SLC24A2: variants seen among roughly 807,000 people sequenced by gnomAD.
SLC24A2 encodes sodium/potassium/calcium exchanger 2.
In SLC24A2, 36 loss-of-function variants were observed where a neutral mutation model predicts 62.0. The ratio of observed to expected loss-of-function variants is 0.58; its 90% CI spans 0.44 to 0.77. The LOEUF is 0.77. SLC24A2 is among the 30% of genes least tolerant of loss of function. The pLI is 0.00. For missense variants in SLC24A2, 846 were observed against 817.9 expected (o/e 1.03, Z -0.42); for synonymous variants, 358 against 294.0 (o/e 1.22, Z -2.23).
At chr9:19,874,223 G>A in the SLC24A2 span, among the ~76,000 whole-genome samples, 1 of 151,896 alleles carries the variant, frequency 6.6e-6, no homozygotes, top group African/African-American at 2.4e-5. Flanking sequence ...GGGATGACAG[G>A]CGTCAGCCAC....
chr9:19,544,628 G>A lies in SLC24A2; in HGVS notation c.1479+5509C>T, dbSNP rs375974739. Among the ~76,000 whole-genome samples, 10 of 152,228 alleles carry A rather than the reference G, an allele frequency of 6.6e-5. No individual in the cohort carries two copies. In the East Asian group the frequency reaches 1.5e-3, roughly 23 times the overall value. On this transcript the variant is annotated intron_variant, in intron 8 of 10. Coordinates refer to ENST00000341998, the MANE Select transcript of SLC24A2 (RefSeq NM_020344.4). ...GAGCTCTTGTAAGGCAGGCCTGGTG[G>A]TGACAAAATCTCTCGGCATTTGCTT...
chr9:19,898,423 T>C, the SLC24A2 span, among the ~76,000 whole-genome samples: 1 of 152,308 alleles, frequency 6.6e-6, no homozygotes, highest in South Asian at 2.1e-4. Flanking sequence ...GTACTCATCT[T>C]ACAGGTTTTG....
At chr9:20,063,738 A>G in the SLC24A2 span, among the ~76,000 whole-genome samples, 1 of 152,210 alleles carries the variant, frequency 6.6e-6, no homozygotes, top group Non-Finnish European at 1.5e-5. Flanking sequence ...AAATGAGCAA[A>G]ATAACATGTG....
the SLC24A2 span, among the ~76,000 whole-genome samples, chr9:19,887,026 A>G: frequency 0.41 from 61,878 of 151,772 alleles, 13,182 homozygotes; most frequent in East Asian, 0.84. Context: ...CACAGGGAGG[A>G]AAACAACACA....
At chr9:19,741,555 C>T (rs935610560) in intron 2 of SLC24A2, among the ~76,000 whole-genome samples, 19 of 152,152 alleles carry the variant, frequency 1.2e-4, no homozygotes, top group African/African-American at 4.6e-4. Flanking sequence ...TCTCTTTGAC[C>T]CTCCAGGCCT....
the SLC24A2 span, among the ~76,000 whole-genome samples, chr9:19,800,533 G>A: frequency 6.6e-6 from 1 of 152,042 alleles, no homozygotes; most frequent in Non-Finnish European, 1.5e-5. Flanking sequence ...GCCATTTCTT[G>A]GGTTAATTGT....
the SLC24A2 span, among the ~76,000 whole-genome samples, chr9:20,028,621 C>T: frequency 6.6e-6 from 1 of 152,186 alleles, no homozygotes; most frequent in Non-Finnish European, 1.5e-5. Flanking sequence ...AGAAACGTGC[C>T]ATTCTGCTCG....
intron 4 of SLC24A2, 124 bp from the exon 5 acceptor site, chr9:19,597,403 A>G: frequency 2.7e-6 from 2 of 739,522 alleles, no homozygotes; most frequent in South Asian, 2.9e-5. Context: ...TCGTAACTAT[A>G]TGGAGATGTG....
rs1341389707 is a variant in SLC24A2, at chr9:19,510,096, A to G, written c.*6057T>C. 3.3e-5 allele frequency: 5 copies of G among 152,120 alleles called. No individual in the cohort carries two copies. The highest frequency in any genetic ancestry group is 2.0e-4 in the Admixed American group (3 of 15,268). 9.4% of individuals were successfully genotyped at this position (152,120 alleles called of 1,614,324 possible). On this transcript the variant is annotated 3_prime_UTR_variant, in exon 11 of 11. Transcript: ENST00000341998. ...AGTAATCTAAAGTGGTGTCTCCCCA[A>G]TTTTGAGTTCTTTGTGAGTCTGAGA...
intron 2 of SLC24A2, among the ~76,000 whole-genome samples, chr9:19,708,349 C>T (rs1265037346): frequency 6.6e-6 from 1 of 152,034 alleles, no homozygotes; most frequent in Non-Finnish European, 1.5e-5. Flanking sequence ...TTTATAGATT[C>T]AATGCCATCC....
the SLC24A2 span, among the ~76,000 whole-genome samples, chr9:20,131,652 G>C: frequency 5.3e-5 from 8 of 152,106 alleles, no homozygotes; most frequent in African/African-American, 1.9e-4. Context: ...TTAATAAATT[G>C]GAAAAGAAGA....
the SLC24A2 span, among the ~76,000 whole-genome samples, chr9:20,260,990 G>A: frequency 6.6e-6 from 1 of 151,640 alleles, no homozygotes; most frequent in African/African-American, 2.4e-5. Flanking sequence ...CGAGTACCTG[G>A]GACTACAGGC....
chr9:19,535,700 C>G (rs1234656426), intron 8 of SLC24A2, among the ~76,000 whole-genome samples: 1 of 152,054 alleles, frequency 6.6e-6, no homozygotes, highest in Admixed American at 6.5e-5. Context: ...CTGTTCTGTT[C>G]CATTGGTCTA....
At chr9:20,012,332 C>T in the SLC24A2 span, among the ~76,000 whole-genome samples, 1 of 152,270 alleles carries the variant, frequency 6.6e-6, no homozygotes, top group Non-Finnish European at 1.5e-5. Context: ...GGAAACTCCC[C>T]TTTTTAAACC....
At chr9:19,592,216 A>G (rs1836572992) in intron 5 of SLC24A2, among the ~76,000 whole-genome samples, 1 of 152,208 alleles carries the variant, frequency 6.6e-6, no homozygotes, top group Non-Finnish European at 1.5e-5. Context: ...AGCTTGGTAA[A>G]GGGGCAGTTG....
At chr9:19,770,610 C>T (rs1031815772) in intron 2 of SLC24A2, among the ~76,000 whole-genome samples, 1 of 152,146 alleles carries the variant, frequency 6.6e-6, no homozygotes, top group Non-Finnish European at 1.5e-5. Context: ...TCATCTGCTC[C>T]CACTTCCTGA....
chr9:19,799,062 C>T, the SLC24A2 span, among the ~76,000 whole-genome samples: 1 of 152,088 alleles, frequency 6.6e-6, no homozygotes, highest in African/African-American at 2.4e-5. Flanking sequence ...TCTACTAACT[C>T]TTTTTAAAAA....
At chr9:20,209,123 G>A in the SLC24A2 span, among the ~76,000 whole-genome samples, 8 of 152,290 alleles carry the variant, frequency 5.3e-5, no homozygotes, top group Non-Finnish European at 8.8e-5. Context: ...GCTTAGCAAA[G>A]CATTCATTAA....
chr9:20,283,009 T>C, the SLC24A2 span, among the ~76,000 whole-genome samples: 11 of 152,200 alleles, frequency 7.2e-5, no homozygotes, highest in Admixed American at 5.2e-4. Context: ...TTAATACACA[T>C]GGTCAAATCC....
Sources: allele counts gnomAD v4.1 joint callset (sites outside exome capture counted in the v4.1 genomes callset), GRCh38; gene constraint gnomAD v4.1.1; transcripts MANE v1.5; gene names NCBI Gene and HGNC (gene_info 2026-07-23, HGNC 2026-07-21).